Variants in ALPK2 observed in about 807,000 individuals in gnomAD.
ALPK2 encodes alpha-protein kinase 2.
In ALPK2, 127 loss-of-function variants were observed where a neutral mutation model predicts 163.1. That is an observed-to-expected ratio of 0.78 (90% CI 0.67 to 0.90). ALPK2 has a LOEUF of 0.90. Ranked by LOEUF, ALPK2 falls within the 40% of genes least tolerant of loss-of-function variation. The pLI, the probability that ALPK2 is intolerant of heterozygous loss-of-function variation, is 0.00. For missense variants in ALPK2, 2,360 were observed against 2,589.6 expected (o/e 0.91, Z 1.92); for synonymous variants, 953 against 959.1 (o/e 0.99, Z 0.12).
At chr18:58,529,313 C>T (rs2051600388) in intron 5 of ALPK2, 75 bp from the exon 6 acceptor site, 2 of 1,369,846 alleles carry the variant, frequency 1.5e-6, no homozygotes, top group Non-Finnish European at 2.0e-6. Flanking sequence ...TCATAACAAT[C>T]CTGAGAGACA....
intron 12 of ALPK2, among the ~76,000 whole-genome samples, chr18:58,486,901 C>G (rs1233539802): frequency 2.0e-5 from 3 of 152,204 alleles, no homozygotes; most frequent in African/African-American, 7.2e-5. Context: ...TCAATAACAT[C>G]AAGCTCTCCT....
chr18:58,530,709 C>T (rs996268302), intron 5 of ALPK2, among the ~76,000 whole-genome samples: 2 of 152,098 alleles, frequency 1.3e-5, no homozygotes, highest in Non-Finnish European at 2.9e-5. Context: ...CTTGTTTAGC[C>T]GAGGGGCTTT....
At chr18:58,599,802 A>G (rs7235261) in intron 3 of ALPK2, among the ~76,000 whole-genome samples, 127,552 of 152,068 alleles carry the variant, frequency 0.84, 53,748 homozygotes, top group East Asian at 0.99. Context: ...TTAGGCAGGT[A>G]CTATTATTAT....
intron 12 of ALPK2, among the ~76,000 whole-genome samples, chr18:58,483,726 AT>A (rs35380816): frequency 0.082 from 10,899 of 132,688 alleles, 533 homozygotes; most frequent in South Asian, 0.11. Flanking sequence ...AATTTTTTGT[AT>A]TTTTTTTTTT....
chr18:58,602,759 A>G (rs1663033209), intron 3 of ALPK2, among the ~76,000 whole-genome samples: 2 of 152,190 alleles, frequency 1.3e-5, no homozygotes, highest in Admixed American at 1.3e-4. Context: ...ATGAGACAGG[A>G]GGTCGGCATA....
chr18:58,596,537 G>T (rs2052042329), intron 3 of ALPK2, among the ~76,000 whole-genome samples: 1 of 152,258 alleles, frequency 6.6e-6, no homozygotes, highest in African/African-American at 2.4e-5. Context: ...AAAGGGAGCA[G>T]TCACTGACAC....
intron 12 of ALPK2, among the ~76,000 whole-genome samples, chr18:58,491,356 C>G (rs12608002): frequency 0.16 from 23,805 of 152,184 alleles, 2,005 homozygotes; most frequent in East Asian, 0.38. Flanking sequence ...ACAAATTAGC[C>G]AAAAGATTAG....
At chr18:58,499,450 C>G (rs2051420303) in intron 11 of ALPK2, among the ~76,000 whole-genome samples, 1 of 152,190 alleles carries the variant, frequency 6.6e-6, no homozygotes, top group Non-Finnish European at 1.5e-5. Flanking sequence ...TCCTGAACCT[C>G]TCTCAGGTCT....
At chr18:58,496,174 A>G (rs1447685876) in intron 12 of ALPK2, among the ~76,000 whole-genome samples, 1 of 152,188 alleles carries the variant, frequency 6.6e-6, no homozygotes, top group Admixed American at 6.5e-5. Context: ...AGGCTAGGCA[A>G]ATTCCTACGA....
At chr18:58,489,813 TCTGTAATCCCAGCACTTTGGGAG>T (rs918608271) in intron 12 of ALPK2, among the ~76,000 whole-genome samples, 1 of 151,854 alleles carries the variant, frequency 6.6e-6, no homozygotes, top group Non-Finnish European at 1.5e-5. Context: ...GTGGCTTATG[TCTGTAATCCCAGCACTTTGGGAG>T]CTGTAATCCC....
chr18:58,601,759 T>C (rs1221429554), intron 3 of ALPK2, among the ~76,000 whole-genome samples: 2 of 152,042 alleles, frequency 1.3e-5, no homozygotes, highest in African/African-American at 2.4e-5. Flanking sequence ...TGAATGAGCA[T>C]GAAAAAGCCA....
chr18:58,494,022 C>G (rs1602184696), intron 12 of ALPK2, among the ~76,000 whole-genome samples: 1 of 152,158 alleles, frequency 6.6e-6, no homozygotes, highest in Non-Finnish European at 1.5e-5. Context: ...CCCGGGAACT[C>G]CCCGACTGGC....
chr18:58,581,805 T>A (rs191061542), intron 3 of ALPK2, among the ~76,000 whole-genome samples: 3 of 152,224 alleles, frequency 2.0e-5, no homozygotes, highest in Non-Finnish European at 4.4e-5. Flanking sequence ...TCTGGCTTGG[T>A]CTGAGAGGCA....
At chr18:58,491,347 C>T (rs1216111345) in intron 12 of ALPK2, among the ~76,000 whole-genome samples, 1 of 152,214 alleles carries the variant, frequency 6.6e-6, no homozygotes, top group Non-Finnish European at 1.5e-5. Flanking sequence ...GCAGGACTAA[C>T]AAATTAGCCA....
Position 58,481,732 on chromosome 18 carries a change from G to T in ALPK2, c.*91C>A. 9.4e-7 allele frequency: 1 copy of T among 1,063,706 alleles called. No individual in the cohort carries two copies. The allele number at this position is 1,063,706 out of a possible 1,614,324, so 65.9% of individuals were successfully genotyped here. A position where few individuals can be genotyped will look rare whatever the true frequency, so the allele number is the denominator to read the frequency against. On this transcript the variant is annotated 3_prime_UTR_variant, in exon 13 of 13. Coordinates refer to ENST00000361673, the MANE Select transcript of ALPK2 (RefSeq NM_052947.4). Reference sequence around the variant, plus strand: ...GAGTAAGGATTGCCACGCACTCTCTGCAGGCTGTATATTCTCTCCTGTGTG... The same window carrying T: ...GAGTAAGGATTGCCACGCACTCTCTTCAGGCTGTATATTCTCTCCTGTGTG...
At chr18:58,591,529 T>G (rs969382792) in intron 3 of ALPK2, among the ~76,000 whole-genome samples, 8 of 151,700 alleles carry the variant, frequency 5.3e-5, no homozygotes, top group African/African-American at 1.9e-4. Context: ...AGGATTCAGG[T>G]GTTGGGGGCA....
chr18:58,492,091 A>G (rs1209364290), intron 12 of ALPK2, among the ~76,000 whole-genome samples: 1 of 152,080 alleles, frequency 6.6e-6, no homozygotes. Context: ...TTAGTCCCTC[A>G]TTGTTTTCCC....
At chr18:58,624,488 CTT>C (rs2144245053) in intron 1 of ALPK2, among the ~76,000 whole-genome samples, 1 of 145,890 alleles carries the variant, frequency 6.9e-6, no homozygotes, top group East Asian at 2.0e-4. Context: ...GAGTTTCACT[CTT>C]GTTGCCCAGG....
chr18:58,541,265 C>T (rs2051688208), intron 4 of ALPK2, among the ~76,000 whole-genome samples: 1 of 152,254 alleles, frequency 6.6e-6, no homozygotes, highest in Non-Finnish European at 1.5e-5. Context: ...TCTTGCCCGA[C>T]AGGAGCAGGA....
Sources: gnomAD v4.1 joint callset for allele counts (sites outside exome capture counted in the v4.1 genomes callset) on GRCh38, gnomAD v4.1.1 for gene constraint, MANE v1.5 for transcripts, NCBI Gene and HGNC (gene_info 2026-07-23, HGNC 2026-07-21) for gene names.